TRIM75: variants seen among roughly 807,000 people sequenced by gnomAD.
TRIM75 encodes the protein tripartite motif-containing protein 75.
chr4:165,059,691 G>A, the TRIM75 span: 5 of 780,930 alleles, frequency 6.4e-6, no homozygotes, highest in East Asian at 1.2e-4. Context: ...CCAAAGGCAG[G>A]AATTATCCTC....
At chr4:165,059,708 T>C in the TRIM75 span, 3 of 780,958 alleles carry the variant, frequency 3.8e-6, no homozygotes, top group Non-Finnish European at 7.2e-6. Context: ...CCTCTGAATT[T>C]GAGCACCTCA....
the TRIM75 span, chr4:165,060,277 C>T: frequency 5.1e-6 from 4 of 780,840 alleles, no homozygotes; most frequent in South Asian, 1.3e-5. Flanking sequence ...GCGAGGAGAC[C>T]CTCATCAGCC....
chr4:165,059,997 G>A, the TRIM75 span: 7 of 776,492 alleles, frequency 9.0e-6, no homozygotes, highest in South Asian at 8.1e-5. Context: ...CCAATATTCT[G>A]CTCTGCAGAG....
chr4:165,056,298 T>TA, the TRIM75 span, among the ~76,000 whole-genome samples: 2 of 32,894 alleles, frequency 6.1e-5, no homozygotes, highest in Non-Finnish European at 1.2e-4. Flanking sequence ...ATAAAAATGA[T>TA]TTTTTTTTTT....
the TRIM75 span, among the ~76,000 whole-genome samples, chr4:165,056,602 CTTTTTTTTTTTTTTTTTTTT>C: frequency 0.049 from 3,411 of 70,186 alleles, 217 homozygotes; most frequent in African/African-American, 0.14. Flanking sequence ...GTCTCTGTCT[CTTTTTTTTTTTTTTTTTTTT>C]TTTTTTTTTT....
the TRIM75 span, chr4:165,059,145 C>G: frequency 2.9e-5 from 22 of 771,812 alleles, no homozygotes; most frequent in Non-Finnish European, 5.1e-5. Context: ...CACCGACAGC[C>G]CAATGGCAGT....
chr4:165,054,907 C>T, the TRIM75 span, among the ~76,000 whole-genome samples: 2 of 151,860 alleles, frequency 1.3e-5, no homozygotes, highest in South Asian at 2.1e-4. Flanking sequence ...AATTACCTTC[C>T]AGGATGTAGC....
At chr4:165,058,966 T>G in the TRIM75 span, among the ~76,000 whole-genome samples, 1 of 152,036 alleles carries the variant, frequency 6.6e-6, no homozygotes, top group Non-Finnish European at 1.5e-5. Context: ...GGTCCGAAGA[T>G]TCAAAGGACT....
chr4:165,056,864 G>A, the TRIM75 span, among the ~76,000 whole-genome samples: 3 of 151,940 alleles, frequency 2.0e-5, no homozygotes, highest in African/African-American at 7.3e-5. Context: ...TCATCTGCCC[G>A]CCTTGGCCTC....
chr4:165,060,004 A>C, the TRIM75 span: 1 of 774,738 alleles, frequency 1.3e-6, no homozygotes, highest in South Asian at 1.4e-5. Context: ...TCTGCTCTGC[A>C]GAGAATTATA....
At chr4:165,058,612 G>A in the TRIM75 span, among the ~76,000 whole-genome samples, 26 of 152,108 alleles carry the variant, frequency 1.7e-4, no homozygotes, top group African/African-American at 6.3e-4. Flanking sequence ...TGGGATGTGG[G>A]GATTGTGGTT....
At chr4:165,059,673 G>A in the TRIM75 span, 1 of 780,924 alleles carries the variant, frequency 1.3e-6, no homozygotes, top group South Asian at 1.3e-5. Flanking sequence ...GAGAGAGATG[G>A]TGGAAAACCA....
At chr4:165,060,464 T>A in the TRIM75 span, 4 of 780,556 alleles carry the variant, frequency 5.1e-6, no homozygotes, top group Admixed American at 6.8e-5. Flanking sequence ...GTACTTTCAC[T>A]GACACTTTTA....
At chr4:165,060,320 T>A in the TRIM75 span, 1 of 780,958 alleles carries the variant, frequency 1.3e-6, no homozygotes, top group Non-Finnish European at 2.4e-6. Context: ...AGCTGCAAGA[T>A]GATGGCTATC....
the TRIM75 span, among the ~76,000 whole-genome samples, chr4:165,058,325 T>G: frequency 6.6e-6 from 1 of 151,938 alleles, no homozygotes; most frequent in Non-Finnish European, 1.5e-5. Flanking sequence ...CGCACCATCA[T>G]GCCCAACTAA....
chr4:165,055,260 C>T, the TRIM75 span, among the ~76,000 whole-genome samples: 1 of 151,518 alleles, frequency 6.6e-6, no homozygotes, highest in South Asian at 2.1e-4. Flanking sequence ...ACGCGTGAGC[C>T]ACTGTGCCTG....
the TRIM75 span, among the ~76,000 whole-genome samples, chr4:165,057,028 C>T: frequency 0.016 from 2,397 of 152,120 alleles, 76 homozygotes; most frequent in African/African-American, 0.055. Context: ...GGAAGATGCC[C>T]GCTTTTTTTT....
the TRIM75 span, among the ~76,000 whole-genome samples, chr4:165,055,834 G>A: frequency 6.6e-6 from 1 of 151,808 alleles, no homozygotes; most frequent in East Asian, 1.9e-4. Context: ...TGTAATCTCA[G>A]CACTTTGGGA....
At chr4:165,055,212 G>A in the TRIM75 span, among the ~76,000 whole-genome samples, 2 of 151,760 alleles carry the variant, frequency 1.3e-5, no homozygotes, top group Non-Finnish European at 2.9e-5. Context: ...GGGCTCAAGC[G>A]ATCCTCCCAG....
Sources: allele counts gnomAD v4.1 joint callset (sites outside exome capture counted in the v4.1 genomes callset), GRCh38; gene constraint gnomAD v4.1.1; transcripts MANE v1.5; gene names NCBI Gene and HGNC (gene_info 2026-07-23, HGNC 2026-07-21).